The following MYOC variants were observed in gnomAD, a reference collection of about 807,000 sequenced individuals.
The protein encoded by MYOC is juvenile-onset open-angle glaucoma 1.
In MYOC, 29 loss-of-function variants were observed where a neutral mutation model predicts 28.2. That is an observed-to-expected ratio of 1.03 (90% CI 0.77 to 1.40). The LOEUF is 1.40. Among genes scored for constraint, MYOC ranks in the 40% most tolerant of loss-of-function variants. The probability of loss-of-function intolerance (pLI) is 0.00; values close to 1 mark genes in which losing one functional copy is unlikely to be tolerated. For missense variants in MYOC, 569 were observed against 620.6 expected (o/e 0.92, Z 0.88); for synonymous variants, 240 against 245.6 (o/e 0.98, Z 0.21).
intron 2 of MYOC, 124 bp from the exon 3 acceptor site, chr1:171,636,833 G>T: frequency 9.2e-7 from 1 of 1,084,490 alleles, no homozygotes; most frequent in Admixed American, 1.9e-5. Flanking sequence ...AAATCGTCTG[G>T]GTTTAAAGCT....
rs867193495 is a variant in MYOC at position 171,652,520 on chromosome 1, C to G, written c.92G>C (p.Gly31Ala). The G allele has an allele frequency of 6.2e-7, 1 of 1,614,194 alleles. No individual in the cohort carries two copies. Among genetic ancestry groups the G allele is most frequent in the South Asian group, 1.1e-5 (1 of 91,076 alleles). Residue 31 changes from glycine to alanine, a missense_variant, in exon 1 of 3, where the codon GGG (glycine) becomes GCG (alanine). Physicochemically the swap from Gly to Ala is moderately conservative, Grantham distance 60 (BLOSUM62 0). Transcript: ENST00000037502. ...CTTCCTGAGCTGAGCTGTCCTGGCC[C>G]CCACATCCCACACCAGGCAGGCCAG... ...LLLACLVWDVGARTAQLRKAN... is the reference protein window; with the variant it reads ...LLLACLVWDVAARTAQLRKAN...
At chr1:171,641,209 T>TAAA (rs35324722) in intron 1 of MYOC, among the ~76,000 whole-genome samples, 4 of 150,796 alleles carry the variant, frequency 2.7e-5, no homozygotes, top group Non-Finnish European at 5.9e-5. Flanking sequence ...AAAACTGCTC[T>TAAA]AAAAAAAAAT....
chr1:171,636,897 C>T (rs866908551), intron 2 of MYOC, among the ~76,000 whole-genome samples, 188 bp from the exon 3 acceptor site: 2 of 152,168 alleles, frequency 1.3e-5, no homozygotes, highest in African/African-American at 4.8e-5. Context: ...TAGCTCTCTA[C>T]GCCTCAGTTA....
At chr1:171,651,904 T>G (rs1311968191) in intron 1 of MYOC, 104 bp downstream of exon 1, 7 of 1,504,858 alleles carry the variant, frequency 4.7e-6, no homozygotes, top group Admixed American at 1.7e-5. Context: ...AGCTGTGCAG[T>G]CTCTAGGAGA....
intron 1 of MYOC, among the ~76,000 whole-genome samples, chr1:171,642,717 A>AC (rs1247080967): frequency 1.1e-4 from 16 of 152,064 alleles, no homozygotes; most frequent in African/African-American, 3.6e-4. Context: ...AATTGGGAGT[A>AC]CCCCCCGGGA....
At chr1:171,644,263 CTTT>C (rs775068020) in intron 1 of MYOC, among the ~76,000 whole-genome samples, 1 of 146,170 alleles carries the variant, frequency 6.8e-6, no homozygotes, top group Non-Finnish European at 1.5e-5. Context: ...ATTTTTAGGG[CTTT>C]TTTTTTTAGG....
intron 2 of MYOC, 150 bp downstream of exon 2, chr1:171,638,447 T>G (rs1652986137): frequency 1.1e-6 from 1 of 872,074 alleles, no homozygotes; most frequent in African/African-American, 1.7e-5. Context: ...GAGAGAGAGT[T>G]CTGTTCCTCT....
At chr1:171,639,569 C>T (rs1653021877) in intron 1 of MYOC, among the ~76,000 whole-genome samples, 1 of 147,552 alleles carries the variant, frequency 6.8e-6, no homozygotes, top group Non-Finnish European at 1.5e-5. Flanking sequence ...TGCTTGAGCC[C>T]AGAAGTTCAA....
rs1653371068 is a variant in MYOC at position 171,652,220 on chromosome 1, A to T, written c.392T>A (p.Leu131Gln). The part of the protein sequence containing the change: ...LGTLRRERDQ[L>Q]ETQTRELETA... ...CTCCAACTCTCTGGTTTGGGTTTCCAGCTGGTCCCGCTCCCGCCTCAGGGT... is the reference window on the plus strand; with the variant it reads ...CTCCAACTCTCTGGTTTGGGTTTCCTGCTGGTCCCGCTCCCGCCTCAGGGT... Residue 131 changes from leucine to glutamine, a missense_variant, in exon 1 of 3, where the codon CTG becomes CAG. Transcript: ENST00000037502. 6.2e-7 allele frequency: 1 copy of T among 1,613,980 alleles called. No individual in the cohort carries two copies. Among genetic ancestry groups the T allele is most frequent in the African/African-American group, 1.3e-5 (1 of 74,892 alleles).
intron 1 of MYOC, among the ~76,000 whole-genome samples, chr1:171,644,709 G>T (rs1290777817): frequency 6.6e-6 from 1 of 151,968 alleles, no homozygotes; most frequent in Non-Finnish European, 1.5e-5. Flanking sequence ...ATAGAGAAAG[G>T]CTTTAGGACT....
intron 1 of MYOC, among the ~76,000 whole-genome samples, chr1:171,649,830 G>A (rs1653311756): frequency 6.6e-6 from 1 of 152,118 alleles, no homozygotes; most frequent in South Asian, 2.1e-4. Flanking sequence ...AACTTCAGAG[G>A]AAGAGGCCAG....
At chr1:171,647,830 CG>C (rs1487685478) in intron 1 of MYOC, among the ~76,000 whole-genome samples, 2 of 152,118 alleles carry the variant, frequency 1.3e-5, no homozygotes, top group Non-Finnish European at 2.9e-5. Flanking sequence ...TTATCACCTG[CG>C]GGGACCTCGC....
intron 1 of MYOC, among the ~76,000 whole-genome samples, chr1:171,645,893 T>G (rs1653190469): frequency 6.6e-6 from 1 of 152,244 alleles, no homozygotes; most frequent in African/African-American, 2.4e-5. Context: ...AAGGAGCCCT[T>G]CAGATTGTGC....
chr1:171,647,668 T>G (rs950382243), intron 1 of MYOC, among the ~76,000 whole-genome samples: 5 of 152,162 alleles, frequency 3.3e-5, no homozygotes, highest in Non-Finnish European at 5.9e-5. Context: ...GCATGATGAC[T>G]CCCATGAGGG....
Position 171,652,650 on chromosome 1 carries a change from T to C in MYOC, c.-39A>G. On this transcript the variant is annotated 5_prime_UTR_variant, in exon 1 of 3. Transcript: ENST00000037502. ...TGAGGCTTCCTCTGGAAAGCTCTGC[T>C]GTGCTGAGAGGTGCCTGGATGGGTG... 1 of 1,612,720 alleles carries C rather than the reference T, an allele frequency of 6.2e-7. No individual in the cohort carries two copies.
intron 2 of MYOC, 140 bp downstream of exon 2, chr1:171,638,457 T>A: frequency 1.0e-6 from 1 of 959,350 alleles, no homozygotes. Context: ...TCTGTTCCTC[T>A]TCTCCTCCCC....
At chr1:171,646,105 C>T (rs1653194792) in intron 1 of MYOC, among the ~76,000 whole-genome samples, 1 of 152,170 alleles carries the variant, frequency 6.6e-6, no homozygotes, top group African/African-American at 2.4e-5. Context: ...AGGAATAGAG[C>T]CATCTGGCAT....
chr1:171,651,368 A>C (rs1653347711), intron 1 of MYOC, among the ~76,000 whole-genome samples: 1 of 136,200 alleles, frequency 7.3e-6, no homozygotes, highest in African/African-American at 2.7e-5. Context: ...ACACAGACTC[A>C]CCTTTAGGCA....
intron 1 of MYOC, 97 bp downstream of exon 1, chr1:171,651,911 G>A: frequency 1.9e-6 from 3 of 1,556,288 alleles, no homozygotes; most frequent in Non-Finnish European, 2.7e-6. Flanking sequence ...CAGTCTCTAG[G>A]AGAAAGGGCA....
Sources: allele counts gnomAD v4.1 joint callset (sites outside exome capture counted in the v4.1 genomes callset), GRCh38; gene constraint gnomAD v4.1.1; transcripts MANE v1.5; gene names NCBI Gene and HGNC (gene_info 2026-07-23, HGNC 2026-07-21).